Variants in NXN observed in about 807,000 individuals in gnomAD.
NXN encodes nucleoredoxin 1.
A neutral mutation model predicts 48.6 loss-of-function variants in NXN; 16 were observed. That is an observed-to-expected ratio of 0.33 (90% CI 0.22 to 0.50). The LOEUF is 0.50. Ranked by LOEUF, NXN falls within the 20% of genes least tolerant of loss-of-function variation. The pLI is 0.98. For missense variants in NXN, 492 were observed against 605.5 expected (o/e 0.81, Z 1.97); for synonymous variants, 281 against 269.6 (o/e 1.04, Z -0.41).
At chr17:975,385 G>T (rs1445756656) in intron 1 of NXN, among the ~76,000 whole-genome samples, 1 of 152,212 alleles carries the variant, frequency 6.6e-6, no homozygotes, top group Non-Finnish European at 1.5e-5. Context: ...AGCTGGAGTT[G>T]TAAGAATGTT....
chr17:969,114 A>G (rs2069341884), intron 1 of NXN, among the ~76,000 whole-genome samples: 1 of 152,212 alleles, frequency 6.6e-6, no homozygotes, highest in African/African-American at 2.4e-5. Context: ...AATCCAAATA[A>G]CCATAAAATG....
intron 1 of NXN, among the ~76,000 whole-genome samples, chr17:934,529 G>A (rs183787579): frequency 1.6e-4 from 24 of 151,598 alleles, no homozygotes; most frequent in Middle Eastern, 3.4e-3. Flanking sequence ...TGGAAAAGAC[G>A]CTGAATTGGT....
rs111654249 is a variant in NXN, at chr17:830,359, C to G, written c.361-4281G>C. ...TAAACAGGAAACTCATTTCAGACAC[C>G]GAGAAGTAACAGAAAGAAAACAGGG... is the stretch of plus-strand genomic sequence containing the variant. On this transcript the variant is annotated intron_variant, in intron 1 of 7. Coordinates refer to ENST00000336868, the MANE Select transcript of NXN (RefSeq NM_022463.5). The surrounding 1 kb of genome is among the most constrained non-coding windows in gnomAD (Gnocchi z 4.2). Among the ~76,000 whole-genome samples, 2,575 of 152,114 alleles carry G rather than the reference C, an allele frequency of 0.017. 82 individuals carry two copies. The highest frequency in any genetic ancestry group is 0.059 in the African/African-American group (2,438 of 41,484).
intron 1 of NXN, among the ~76,000 whole-genome samples, chr17:965,446 C>T (rs2069290563): frequency 6.6e-6 from 1 of 152,180 alleles, no homozygotes; most frequent in African/African-American, 2.4e-5. Flanking sequence ...ACTATCTTTC[C>T]TTGAAAACTA....
chr17:893,228 G>A (rs1480024569), intron 1 of NXN, among the ~76,000 whole-genome samples: 2 of 152,196 alleles, frequency 1.3e-5, no homozygotes, highest in Admixed American at 1.3e-4. Context: ...CCACGTTCCT[G>A]GACAGAGACT....
At chr17:914,755 T>C (rs561485815) in intron 1 of NXN, among the ~76,000 whole-genome samples, 5 of 152,204 alleles carry the variant, frequency 3.3e-5, no homozygotes, top group African/African-American at 9.6e-5. Context: ...CGTACCGTGA[T>C]GTGGGAAGCA....
At chr17:846,171 A>G (rs2067858169) in intron 1 of NXN, among the ~76,000 whole-genome samples, 2 of 152,126 alleles carry the variant, frequency 1.3e-5, no homozygotes. Context: ...GCTTGTGCCT[A>G]TAATCCCAGC....
chr17:801,404 C>T (rs1911199017), intron 7 of NXN, among the ~76,000 whole-genome samples: 1 of 149,374 alleles, frequency 6.7e-6, no homozygotes, highest in African/African-American at 2.5e-5. Context: ...GCATCAACAC[C>T]ATTTTAATAC....
intron 1 of NXN, among the ~76,000 whole-genome samples, chr17:854,000 G>A (rs143433261): frequency 0.14 from 21,443 of 151,862 alleles, 1,740 homozygotes; most frequent in Middle Eastern, 0.24. Flanking sequence ...GATAACAGGC[G>A]TGAGCCACTG....
intron 1 of NXN, among the ~76,000 whole-genome samples, chr17:872,161 CGATGCT>C (rs1315496277): frequency 6.7e-6 from 1 of 149,446 alleles, no homozygotes; most frequent in Admixed American, 6.7e-5. Flanking sequence ...TCAGAGGCCA[CGATGCT>C]GAACCCGTGA....
intron 1 of NXN, among the ~76,000 whole-genome samples, chr17:930,808 G>A (rs972203367): frequency 6.6e-6 from 1 of 150,440 alleles, no homozygotes; most frequent in Admixed American, 6.6e-5. Flanking sequence ...TCTCGCTCTG[G>A]TTGCCCAGGC....
intron 1 of NXN, among the ~76,000 whole-genome samples, chr17:908,583 C>T (rs966363287): frequency 1.6e-4 from 24 of 152,050 alleles, no homozygotes; most frequent in Non-Finnish European, 2.5e-4. Context: ...TTTTTTGGAC[C>T]GAAGCCATTA....
intron 1 of NXN, among the ~76,000 whole-genome samples, chr17:876,321 G>A (rs2068215531): frequency 6.6e-6 from 1 of 152,066 alleles, no homozygotes; most frequent in Admixed American, 6.5e-5. Context: ...TGAATACTAA[G>A]ACACTCAATC....
chr17:950,712 G>A (rs192676290), intron 1 of NXN, among the ~76,000 whole-genome samples: 1 of 152,072 alleles, frequency 6.6e-6, no homozygotes, highest in Non-Finnish European at 1.5e-5. Flanking sequence ...CCACTATAAG[G>A]AGGCTCAGAG....
chr17:920,236 CT>C lies in NXN; in HGVS notation c.360+59082del, dbSNP rs1232718608. On this transcript the variant is annotated intron_variant, in intron 1 of 7. Coordinates refer to ENST00000336868, the MANE Select transcript of NXN (RefSeq NM_022463.5). The surrounding 1 kb of genome is among the most constrained non-coding windows in gnomAD (Gnocchi z 4.6). ...ATCCAACATTACAAACTTATCAATG[CT>C]GCCTCCTGTCATCTCCCCCCGCCCC... 1.3e-5 allele frequency among the ~76,000 whole-genome samples: 2 copies of C among 152,166 alleles called. No homozygotes were observed. Among genetic ancestry groups the C allele is most frequent in the African/African-American group, 2.4e-5 (1 of 41,440 alleles).
chr17:912,962 AGAAAG>A (rs2068651418), intron 1 of NXN, among the ~76,000 whole-genome samples: 1 of 152,154 alleles, frequency 6.6e-6, no homozygotes, highest in African/African-American at 2.4e-5. Flanking sequence ...AGGAGAAAAG[AGAAAG>A]GAAAGGACGG....
intron 1 of NXN, among the ~76,000 whole-genome samples, chr17:893,825 CT>C (rs1032795112): frequency 2.0e-5 from 1 of 49,178 alleles, no homozygotes; most frequent in Admixed American, 1.8e-4. Flanking sequence ...TCTCAACTCC[CT>C]GGAAGCCAGA....
rs1367744649 is a variant in NXN at position 917,746 on chromosome 17, T to G, written c.360+61573A>C. ...AGGTTCCAGCCCTACAAGGGGCGCG[T>G]ACTGGCACAACAGGCGGGCGTGGCT... On this transcript the variant is annotated intron_variant, in intron 1 of 7. Coordinates refer to ENST00000336868, the MANE Select transcript of NXN (RefSeq NM_022463.5). This position sits in a 1 kb window ranked among gnomAD's most constrained non-coding sequence, Gnocchi z 4.5. Among the ~76,000 whole-genome samples, 1 of 152,072 alleles carries G rather than the reference T, an allele frequency of 6.6e-6. No individual in the cohort carries two copies. The highest frequency in any genetic ancestry group is 2.4e-5 in the African/African-American group (1 of 41,408).
At chr17:925,232 C>A (rs188111151) in intron 1 of NXN, among the ~76,000 whole-genome samples, 1 of 152,180 alleles carries the variant, frequency 6.6e-6, no homozygotes, top group African/African-American at 2.4e-5. Context: ...GGAAAGCAAA[C>A]CTAGGAATAC....
Sources: allele counts gnomAD v4.1 joint callset (sites outside exome capture counted in the v4.1 genomes callset), GRCh38; gene constraint gnomAD v4.1.1; non-coding constraint Gnocchi (gnomAD v3.1); transcripts MANE v1.5; gene names NCBI Gene and HGNC (gene_info 2026-07-23, HGNC 2026-07-21).